Variants in SLC35F2 observed in about 807,000 individuals in gnomAD.
The protein encoded by SLC35F2 is queuine/queuosine transporter SLC35F2.
SLC35F2 carries 25 observed loss-of-function variants against 38.1 expected under a neutral mutation model. That is an observed-to-expected ratio of 0.66 (90% CI 0.48 to 0.92). The LOEUF (loss-of-function observed/expected upper bound fraction) is 0.92, where lower values mean the gene tolerates loss of function less well. Among genes scored for constraint, SLC35F2 ranks in the 40% least tolerant of loss-of-function variants. SLC35F2 has a pLI of 0.00. For synonymous variants in SLC35F2, 173 were observed against 181.7 expected (o/e 0.95, Z 0.38); for missense variants, 409 against 452.9 (o/e 0.90, Z 0.88).
intron 1 of SLC35F2, among the ~76,000 whole-genome samples, chr11:107,820,567 G>A (rs750730102): frequency 3.3e-5 from 5 of 152,058 alleles, no homozygotes; most frequent in East Asian, 1.9e-4. Context: ...ATCTTCCTAC[G>A]TTCTATATCT....
At chr11:107,857,015 C>T (rs1860300435) in intron 1 of SLC35F2, among the ~76,000 whole-genome samples, 3 of 133,506 alleles carry the variant, frequency 2.2e-5, no homozygotes, top group South Asian at 2.6e-4. Flanking sequence ...AGAGAAGTGA[C>T]TTGTCCAGGA....
chr11:107,802,181 T>C (rs1306339347), intron 7 of SLC35F2, among the ~76,000 whole-genome samples: 1 of 150,180 alleles, frequency 6.7e-6, no homozygotes, highest in Non-Finnish European at 1.5e-5. Context: ...GAGGTTGCAG[T>C]GAGCCGAGAT....
At chr11:107,807,814 A>G (rs1423103079) in intron 3 of SLC35F2, among the ~76,000 whole-genome samples, 2 of 152,022 alleles carry the variant, frequency 1.3e-5, no homozygotes, top group Non-Finnish European at 2.9e-5. Context: ...ATGTCAGGTG[A>G]TCTGTCTGCC....
chr11:107,815,995 C>T (rs371682139), intron 1 of SLC35F2, 30 bp from the exon 2 acceptor site: 2 of 1,547,660 alleles, frequency 1.3e-6, no homozygotes, highest in South Asian at 1.2e-5. Context: ...ATCAGAACAG[C>T]ATGCAAATAA....
At chr11:107,847,106 AG>A (rs1334489169) in intron 1 of SLC35F2, among the ~76,000 whole-genome samples, 1 of 152,140 alleles carries the variant, frequency 6.6e-6, no homozygotes, top group Non-Finnish European at 1.5e-5. Flanking sequence ...GCTAGAGTGC[AG>A]TGGAGTGCCT....
At chr11:107,805,329 T>TGTC (rs767449283) in intron 5 of SLC35F2, 30 bp downstream of exon 5, 1 of 1,577,318 alleles carries the variant, frequency 6.3e-7, no homozygotes, top group Admixed American at 2.0e-5. Context: ...TTGCTTATTT[T>TGTC]GTCTTTAGAA....
chr11:107,814,863 C>G, intron 2 of SLC35F2, among the ~76,000 whole-genome samples: 1 of 152,068 alleles, frequency 6.6e-6, no homozygotes, highest in East Asian at 1.9e-4. Flanking sequence ...TCTGGGAGGG[C>G]AAGGCAGGTG....
chr11:107,846,181 G>A (rs1332677507), intron 1 of SLC35F2, among the ~76,000 whole-genome samples: 1 of 150,290 alleles, frequency 6.7e-6, no homozygotes, highest in Non-Finnish European at 1.5e-5. Context: ...AATTTAGAAA[G>A]AACACAGGGT....
At chr11:107,812,120 G>A (rs550837022) in intron 2 of SLC35F2, among the ~76,000 whole-genome samples, 123 of 152,178 alleles carry the variant, frequency 8.1e-4, no homozygotes, top group African/African-American at 2.8e-3. Context: ...TGCCCAGGCT[G>A]GTCTTGAACT....
intron 7 of SLC35F2, 31 bp downstream of exon 7, chr11:107,802,970 A>G (rs934316750): frequency 4.5e-6 from 7 of 1,570,358 alleles, no homozygotes; most frequent in Non-Finnish European, 6.0e-6. Flanking sequence ...CCAAGCAAGT[A>G]TTCTTATTTG....
Position 107,792,556 on chromosome 11 carries a change from T to G in SLC35F2, c.*59A>C. On this transcript the variant is annotated 3_prime_UTR_variant, in exon 8 of 8. Transcript: ENST00000525815. ...GTCTGCTATTTCCCCAAGTGTCCCCTCAGCAGGCAGCAGGCTCTGCTTTAT... is the reference window on the plus strand; with the variant it reads ...GTCTGCTATTTCCCCAAGTGTCCCCGCAGCAGGCAGCAGGCTCTGCTTTAT... 1 of 1,530,438 alleles carries G rather than the reference T, an allele frequency of 6.5e-7. No homozygotes were observed. The highest frequency in any genetic ancestry group is 1.4e-5 in the African/African-American group (1 of 72,832). 94.8% of individuals were successfully genotyped at this position (1,530,438 alleles called of 1,614,324 possible).
Position 107,792,381 on chromosome 11 carries a change from A to G in SLC35F2, c.*234T>C, listed in dbSNP as rs1311312704. ...GGAGTCTGCACCTCATCTCCTCAAC[A>G]CGAACAGATATTGGTCCTCAAACAC... On this transcript the variant is annotated 3_prime_UTR_variant, in exon 8 of 8. Coordinates refer to ENST00000525815, the MANE Select transcript of SLC35F2 (RefSeq NM_017515.5). 5 of 439,514 alleles carry G rather than the reference A, an allele frequency of 1.1e-5. No individual in the cohort carries two copies. Among genetic ancestry groups the G allele is most frequent in the Non-Finnish European group, 2.0e-5 (5 of 249,512 alleles). The allele number at this position is 439,514 out of a possible 1,614,324, so 27.2% of individuals were successfully genotyped here. A position where few individuals can be genotyped will look rare whatever the true frequency, so the allele number is the denominator to read the frequency against.
intron 1 of SLC35F2, among the ~76,000 whole-genome samples, chr11:107,849,517 T>C (rs988158101): frequency 7.2e-5 from 11 of 151,894 alleles, no homozygotes; most frequent in African/African-American, 2.7e-4. Flanking sequence ...CAGGCACCTG[T>C]AATTCCAGCT....
At chr11:107,795,862 G>A (rs746395595) in intron 7 of SLC35F2, among the ~76,000 whole-genome samples, 7 of 152,200 alleles carry the variant, frequency 4.6e-5, no homozygotes, top group Non-Finnish European at 7.3e-5. Flanking sequence ...GGCCAGGTGC[G>A]GTGGCCCACG....
intron 1 of SLC35F2, among the ~76,000 whole-genome samples, chr11:107,841,394 C>A (rs1045487160): frequency 9.9e-5 from 15 of 151,948 alleles, no homozygotes; most frequent in Admixed American, 9.2e-4. Flanking sequence ...GAAACCCTGT[C>A]TCTACTAAAA....
intron 1 of SLC35F2, among the ~76,000 whole-genome samples, chr11:107,841,521 C>T (rs1196312491): frequency 1.4e-5 from 2 of 144,000 alleles, no homozygotes; most frequent in Non-Finnish European, 3.0e-5. Flanking sequence ...GGAGACTGTG[C>T]CACTGCACTC....
intron 3 of SLC35F2, chr11:107,810,224 C>T (rs1353918639): frequency 4.1e-6 from 4 of 985,276 alleles, no homozygotes. Context: ...ACCGTAAGTG[C>T]ATGACTTTTG....
chr11:107,810,822 T>G, intron 3 of SLC35F2: 1 of 977,792 alleles, frequency 1.0e-6, no homozygotes, highest in Non-Finnish European at 1.2e-6. Flanking sequence ...GCGAAATAAG[T>G]CTAATTTCAA....
At chr11:107,823,926 CAAAAAAAAA>C (rs58357861) in intron 1 of SLC35F2, 18 of 648,444 alleles carry the variant, frequency 2.8e-5, no homozygotes, top group Non-Finnish European at 3.3e-5. Context: ...AAGACAGTCT[CAAAAAAAAA>C]AAAAAAAAGA....
Sources: gnomAD v4.1 joint callset for allele counts (sites outside exome capture counted in the v4.1 genomes callset) on GRCh38, gnomAD v4.1.1 for gene constraint, MANE v1.5 for transcripts, NCBI Gene and HGNC (gene_info 2026-07-23, HGNC 2026-07-21) for gene names.